The following PTCHD4 variants were observed in gnomAD, a reference collection of about 807,000 sequenced individuals.
PTCHD4 encodes the protein patched domain-containing protein 4.
PTCHD4 carries 33 observed loss-of-function variants against 58.1 expected under a neutral mutation model. The observed-to-expected ratio is 0.57, with a 90% CI of 0.43 to 0.76. The LOEUF (loss-of-function observed/expected upper bound fraction) is 0.76. Ranked by LOEUF, PTCHD4 falls within the 30% of genes least tolerant of loss-of-function variation. The pLI is 0.00. For missense variants in PTCHD4, 1,058 were observed against 1,027.1 expected (o/e 1.03, Z -0.41); for synonymous variants, 478 against 409.6 (o/e 1.17, Z -2.02).
At chr6:47,990,462 T>C (rs1361248664) in intron 4 of PTCHD4, among the ~76,000 whole-genome samples, 1 of 152,176 alleles carries the variant, frequency 6.6e-6, no homozygotes, top group Non-Finnish European at 1.5e-5. Context: ...AGGGACCCGG[T>C]GGGAGACATT....
intron 4 of PTCHD4, among the ~76,000 whole-genome samples, chr6:47,917,230 T>C (rs542556871): frequency 6.6e-6 from 1 of 152,200 alleles, no homozygotes; most frequent in East Asian, 1.9e-4. Context: ...ACGACTACTA[T>C]GTTTTAAAAG....
At chr6:47,916,952 T>C (rs1312634888) in intron 4 of PTCHD4, among the ~76,000 whole-genome samples, 1 of 122,008 alleles carries the variant, frequency 8.2e-6, no homozygotes, top group Non-Finnish European at 1.8e-5. Context: ...CCTGGTTTAA[T>C]AAAGATCTTC....
At chr6:48,051,387 C>A (rs1261772253) in intron 3 of PTCHD4, among the ~76,000 whole-genome samples, 5 of 151,836 alleles carry the variant, frequency 3.3e-5, no homozygotes, top group Admixed American at 6.6e-5. Context: ...GTGGATGCTT[C>A]GGGATTTATA....
intron 4 of PTCHD4, among the ~76,000 whole-genome samples, chr6:47,915,009 AG>A (rs1223059051): frequency 1.3e-5 from 2 of 152,142 alleles, no homozygotes; most frequent in African/African-American, 4.8e-5. Flanking sequence ...AATCTTTATG[AG>A]AATTCATTTC....
At chr6:47,923,841 G>A (rs939367463) in intron 4 of PTCHD4, among the ~76,000 whole-genome samples, 1 of 152,166 alleles carries the variant, frequency 6.6e-6, no homozygotes, top group Non-Finnish European at 1.5e-5. Flanking sequence ...GGTGAATGAC[G>A]AATGTCACCT....
intron 4 of PTCHD4, among the ~76,000 whole-genome samples, chr6:47,993,712 A>T (rs1293979075): frequency 6.6e-6 from 1 of 152,182 alleles, no homozygotes; most frequent in Non-Finnish European, 1.5e-5. Context: ...GAATTAAAAC[A>T]AGTGGATGGA....
intron 3 of PTCHD4, among the ~76,000 whole-genome samples, chr6:48,047,280 A>G: frequency 6.6e-6 from 1 of 151,860 alleles, no homozygotes; most frequent in Admixed American, 6.6e-5. Flanking sequence ...ATATACCCCA[A>G]GAAAATCCCC....
At position 47,860,445 on chromosome 6, in the gene PTCHD4, C is replaced by T. The variant is rs1359132544; in HGVS notation, c.*17858G>A. On this transcript the variant is annotated 3_prime_UTR_variant, in exon 5 of 5. Transcript: ENST00000339488. The stretch of plus-strand genomic sequence containing the variant: ...AAGGTAGAACTCAGTGGATAAGACA[C>T]ATGATCTGATTTTGTTTAGTAATCT... Among the ~76,000 whole-genome samples, 1 of 152,006 alleles carries T rather than the reference C, an allele frequency of 6.6e-6. No individual in the cohort carries two copies. Among genetic ancestry groups the T allele is most frequent in the Non-Finnish European group, 1.5e-5 (1 of 67,956 alleles).
At chr6:47,999,704 GT>G in intron 4 of PTCHD4, among the ~76,000 whole-genome samples, 1 of 152,150 alleles carries the variant, frequency 6.6e-6, no homozygotes, top group Non-Finnish European at 1.5e-5. Flanking sequence ...TAAAGTGGTT[GT>G]TTTATCCTAC....
chr6:47,952,299 C>T (rs945054617), intron 4 of PTCHD4, among the ~76,000 whole-genome samples: 19 of 152,032 alleles, frequency 1.2e-4, no homozygotes, highest in Non-Finnish European at 2.8e-4. Flanking sequence ...TCTTATCTAT[C>T]GCAGCTATAG....
intron 4 of PTCHD4, among the ~76,000 whole-genome samples, chr6:48,007,268 T>A (rs1762476698): frequency 1.3e-5 from 2 of 151,994 alleles, no homozygotes; most frequent in African/African-American, 4.8e-5. Flanking sequence ...AAAAAGAAGA[T>A]GAACTAACAA....
chr6:48,040,586 A>AT (rs1190866776), intron 3 of PTCHD4, among the ~76,000 whole-genome samples: 6 of 152,196 alleles, frequency 3.9e-5, no homozygotes, highest in East Asian at 1.9e-4. Context: ...AACAAGGAGT[A>AT]TTTTTTTATG....
chr6:47,919,301 C>G (rs539258277), intron 4 of PTCHD4, among the ~76,000 whole-genome samples: 1 of 151,994 alleles, frequency 6.6e-6, no homozygotes, highest in African/African-American at 2.4e-5. Context: ...ATACCAGATC[C>G]CTGCTCTTAA....
rs1389137038 is a variant in PTCHD4, at chr6:47,867,551, C to T, written c.*10752G>A. On this transcript the variant is annotated 3_prime_UTR_variant, in exon 5 of 5. Transcript: ENST00000339488. The stretch of plus-strand genomic sequence containing the variant: ...CCTGGCAATGCTTTATAATACCACT[C>T]ACAATGGGCGCTTCCTTTTTATTCC... Among the ~76,000 whole-genome samples the T allele has an allele frequency of 2.0e-5, 3 of 151,812 alleles. No homozygotes were observed. Among genetic ancestry groups the T allele is most frequent in the Admixed American group, 6.6e-5 (1 of 15,218 alleles).
chr6:47,946,628 C>A lies in PTCHD4; in HGVS notation c.898+62006G>T, dbSNP rs145944141. 5.4e-3 allele frequency among the ~76,000 whole-genome samples: 815 copies of A among 152,198 alleles called. 7 individuals are homozygous for A. Among genetic ancestry groups the A allele is most frequent in the African/African-American group, 0.018 (760 of 41,538 alleles). ...AGCATATAGTTGTATTTAAAAAATG[C>A]AATATGGCTATTTTAACCAACCAGT... On this transcript the variant is annotated intron_variant, in intron 4 of 4. Transcript: ENST00000339488.
At chr6:47,942,587 T>A (rs1766273089) in intron 4 of PTCHD4, among the ~76,000 whole-genome samples, 1 of 152,016 alleles carries the variant, frequency 6.6e-6, no homozygotes, top group Non-Finnish European at 1.5e-5. Context: ...TTTGGGAAAA[T>A]TTGGTTTAAA....
At position 48,100,921 on chromosome 6, in the gene PTCHD4, G is replaced by A. The variant is rs190387902; in HGVS notation, c.-970+10128C>T. Among the ~76,000 whole-genome samples the A allele has an allele frequency of 1.1e-4, 17 of 152,116 alleles. No homozygotes were observed. In the East Asian group the frequency reaches 3.3e-3, roughly 29 times the overall value. ...CAAATAACCTAAAATGTTTTACCAT[G>A]TTTGTTTCATTATGTCAAAATAATT... On this transcript the variant is annotated intron_variant, in intron 1 of 4. Coordinates refer to ENST00000339488, the MANE Select transcript of PTCHD4 (RefSeq NM_001384253.1).
chr6:47,911,732 A>G (rs910832898), intron 4 of PTCHD4, among the ~76,000 whole-genome samples: 1 of 152,108 alleles, frequency 6.6e-6, no homozygotes, highest in Non-Finnish European at 1.5e-5. Flanking sequence ...AGACATCTAC[A>G]TTCTGATGTC....
intron 3 of PTCHD4, among the ~76,000 whole-genome samples, chr6:48,065,484 A>T (rs1404679000): frequency 6.6e-6 from 1 of 152,214 alleles, no homozygotes; most frequent in Non-Finnish European, 1.5e-5. Flanking sequence ...AGTGTGTATT[A>T]GCATCATAGA....
Sources: allele counts gnomAD v4.1 joint callset (sites outside exome capture counted in the v4.1 genomes callset), GRCh38; gene constraint gnomAD v4.1.1; transcripts MANE v1.5; gene names NCBI Gene and HGNC (gene_info 2026-07-23, HGNC 2026-07-21).